The following CDKAL1 variants were observed in gnomAD, a reference collection of about 807,000 sequenced individuals.
The protein encoded by CDKAL1 is CDKAL1 threonylcarbamoyladenosine tRNA methylthiotransferase.
CDKAL1 carries 32 observed loss-of-function variants against 68.2 expected under a neutral mutation model. The observed-to-expected ratio is 0.47, with a 90% confidence interval of 0.35 to 0.63. The LOEUF is 0.63. CDKAL1 is among the 30% of genes least tolerant of loss of function. The pLI is 0.00. For missense variants in CDKAL1, 606 were observed against 696.7 expected (o/e 0.87, Z 1.47); for synonymous variants, 234 against 244.3 (o/e 0.96, Z 0.39).
chr6:20,695,045 A>C (rs1415298971), intron 5 of CDKAL1, among the ~76,000 whole-genome samples: 1 of 152,136 alleles, frequency 6.6e-6, no homozygotes, highest in Non-Finnish European at 1.5e-5. Context: ...TTTCTTTATA[A>C]ACTACCCACA....
chr6:21,161,795 T>C (rs1776938080), intron 13 of CDKAL1, among the ~76,000 whole-genome samples: 1 of 152,202 alleles, frequency 6.6e-6, no homozygotes, highest in African/African-American at 2.4e-5. Flanking sequence ...TTATTAGGCT[T>C]TTATTAAGGC....
At chr6:20,769,564 CATT>C (rs1447452781) in intron 7 of CDKAL1, among the ~76,000 whole-genome samples, 14 of 152,098 alleles carry the variant, frequency 9.2e-5, no homozygotes, top group Non-Finnish European at 2.1e-4. Flanking sequence ...CCTTGATCAT[CATT>C]ATCAATGCAA....
intron 5 of CDKAL1, among the ~76,000 whole-genome samples, chr6:20,651,810 A>T (rs1176963022): frequency 6.6e-6 from 1 of 152,204 alleles, no homozygotes; most frequent in Non-Finnish European, 1.5e-5. Context: ...TGAGAAAATC[A>T]TGTGGTTTTT....
In CDKAL1 at chr6:20,753,957, A is replaced by ATGTGTGTGTGTGTGTG. The variant is rs112105313; in HGVS notation, c.469-4620_469-4605dup. Among the ~76,000 whole-genome samples, 303 of 147,806 alleles carry ATGTGTGTGTGTGTGTG rather than the reference A, an allele frequency of 2.0e-3. 2 individuals carry two copies. Among genetic ancestry groups the ATGTGTGTGTGTGTGTG allele is most frequent in the Admixed American group, 4.6e-3 (68 of 14,826 alleles). On this transcript the variant is annotated intron_variant, in intron 6 of 15. Transcript: ENST00000274695. ...TTCACCAACACTCGTTATTATCTGT[A>ATGTGTGTGTGTGTGTG]TGTGTGTGTGTGTGTGTGTGTGTGT...
At chr6:20,833,485 A>G (rs1168363364) in intron 8 of CDKAL1, among the ~76,000 whole-genome samples, 1 of 152,114 alleles carries the variant, frequency 6.6e-6, no homozygotes, top group Non-Finnish European at 1.5e-5. Context: ...TACATAGATT[A>G]TATATCTGGG....
intron 4 of CDKAL1, among the ~76,000 whole-genome samples, chr6:20,591,851 C>T (rs983299078): frequency 2.0e-5 from 3 of 152,040 alleles, no homozygotes; most frequent in African/African-American, 4.8e-5. Context: ...CTTGGCTATA[C>T]GGGCTCTTTT....
rs144028169 is a variant in CDKAL1 at position 20,835,300 on chromosome 6, C to T, written c.639-10775C>T. Among the ~76,000 whole-genome samples, 479 of 152,066 alleles carry T rather than the reference C, an allele frequency of 3.1e-3. 1 individual carries two copies. The highest frequency in any genetic ancestry group is 0.011 in the African/African-American group (450 of 41,476). ...TTGTGTCAATTTTACCTCAATAAAG[C>T]GAAGATTATTAAAATAATTATTTAT... On this transcript the variant is annotated intron_variant, in intron 8 of 15. Transcript: ENST00000274695.
intron 6 of CDKAL1, among the ~76,000 whole-genome samples, chr6:20,752,292 GT>G (rs1439061759): frequency 2.0e-5 from 3 of 151,114 alleles, no homozygotes; most frequent in African/African-American, 7.3e-5. Context: ...AGGTCCTGGG[GT>G]TCCCACACAC....
intron 12 of CDKAL1, among the ~76,000 whole-genome samples, chr6:21,085,085 T>C (rs150322460): frequency 1.3e-3 from 195 of 152,332 alleles, no homozygotes; most frequent in African/African-American, 4.4e-3. Flanking sequence ...TAATTTGATT[T>C]TATCTTACAT....
chr6:21,010,585 T>A (rs2150838913), intron 11 of CDKAL1, among the ~76,000 whole-genome samples: 1 of 152,300 alleles, frequency 6.6e-6, no homozygotes, highest in Middle Eastern at 3.4e-3. Context: ...ATTATGTGAA[T>A]GGGCCACTCT....
At chr6:20,588,980 T>C (rs1440705585) in intron 4 of CDKAL1, among the ~76,000 whole-genome samples, 1 of 152,216 alleles carries the variant, frequency 6.6e-6, no homozygotes, top group Non-Finnish European at 1.5e-5. Context: ...TTTATGGTTT[T>C]ATGTGAATCA....
chr6:21,003,630 T>C (rs1351687035), intron 11 of CDKAL1, among the ~76,000 whole-genome samples: 1 of 151,980 alleles, frequency 6.6e-6, no homozygotes, highest in Non-Finnish European at 1.5e-5. Flanking sequence ...ATGTTTGACC[T>C]ACCTTCCGCT....
chr6:20,693,832 G>A (rs1770980223), intron 5 of CDKAL1, among the ~76,000 whole-genome samples: 1 of 151,878 alleles, frequency 6.6e-6, no homozygotes, highest in South Asian at 2.1e-4. Flanking sequence ...GTAACTGATA[G>A]GAGTCATGCT....
At chr6:20,654,383 G>A (rs1416810982) in intron 5 of CDKAL1, among the ~76,000 whole-genome samples, 1 of 150,254 alleles carries the variant, frequency 6.7e-6, no homozygotes, top group African/African-American at 2.5e-5. Flanking sequence ...TATACACGTT[G>A]CAAATATCTT....
chr6:21,190,818 C>G (rs1478615547), intron 13 of CDKAL1, among the ~76,000 whole-genome samples: 2 of 152,116 alleles, frequency 1.3e-5, no homozygotes, highest in Non-Finnish European at 2.9e-5. Flanking sequence ...ATATCTACGT[C>G]CTTTGTGAAT....
intron 9 of CDKAL1, among the ~76,000 whole-genome samples, chr6:20,874,624 C>G (rs1359765855): frequency 6.6e-6 from 1 of 152,050 alleles, no homozygotes; most frequent in Non-Finnish European, 1.5e-5. Flanking sequence ...AAGCGATTCT[C>G]TTGCGGAGCT....
intron 8 of CDKAL1, among the ~76,000 whole-genome samples, chr6:20,831,410 G>A (rs1409699950): frequency 8.5e-5 from 8 of 94,234 alleles, no homozygotes; most frequent in East Asian, 2.5e-4. Flanking sequence ...TGCGATGTGC[G>A]GACGAGTGTT....
intron 6 of CDKAL1, among the ~76,000 whole-genome samples, chr6:20,755,572 A>G (rs972054161): frequency 6.6e-6 from 1 of 151,638 alleles, no homozygotes; most frequent in African/African-American, 2.4e-5. Context: ...TCCTTGTTCC[A>G]TTTTCTTTCT....
At chr6:21,196,601 T>C (rs1051418090) in intron 13 of CDKAL1, among the ~76,000 whole-genome samples, 1 of 152,194 alleles carries the variant, frequency 6.6e-6, no homozygotes, top group Non-Finnish European at 1.5e-5. Context: ...TGGCATTGTA[T>C]GATAGAGAGG....
Sources: allele counts gnomAD v4.1 joint callset (sites outside exome capture counted in the v4.1 genomes callset), GRCh38; gene constraint gnomAD v4.1.1; transcripts MANE v1.5; gene names NCBI Gene and HGNC (gene_info 2026-07-23, HGNC 2026-07-21).